Variants in PRMT8 observed in about 807,000 individuals in gnomAD.
PRMT8 encodes the protein protein arginine methyltransferase 8.
A neutral mutation model predicts 47.1 loss-of-function variants in PRMT8; 7 were observed. The ratio of observed to expected loss-of-function variants is 0.15; its 90% CI spans 0.08 to 0.28. PRMT8 has a LOEUF of 0.28. PRMT8 is among the 10% of genes least tolerant of loss of function. The pLI is 1.00. For synonymous variants in PRMT8, 188 were observed against 186.5 expected (o/e 1.01, Z -0.07); for missense variants, 237 against 505.4 (o/e 0.47, Z 5.09).
In PRMT8 at chr12:3,538,043, C is replaced by G. The variant is rs1866151736; in HGVS notation, c.76-2563C>G. Among the ~76,000 whole-genome samples, 1 of 152,116 alleles carries G rather than the reference C, an allele frequency of 6.6e-6. No homozygotes were observed. Among genetic ancestry groups the G allele is most frequent in the South Asian group, 2.1e-4 (1 of 4,824 alleles). ...TAGCCTGGCCATAATTTCCTTTCAA[C>G]TGAATCTCTCACTGTCTCAGCCAAG... On this transcript the variant is annotated intron_variant, in intron 1 of 9. Transcript: ENST00000382622. This position sits in a 1 kb window ranked among gnomAD's most constrained non-coding sequence, Gnocchi z 4.6.
chr12:3,441,063 A>G (rs1029110524), intron 1 of PRMT8, among the ~76,000 whole-genome samples: 1 of 152,224 alleles, frequency 6.6e-6, no homozygotes, highest in African/African-American at 2.4e-5. Context: ...TGAATTGATT[A>G]TCAAAAGTTT....
At chr12:3,480,339 C>T (rs761804991) in intron 1 of PRMT8, among the ~76,000 whole-genome samples, 2 of 152,196 alleles carry the variant, frequency 1.3e-5, no homozygotes, top group Non-Finnish European at 2.9e-5. Context: ...GTACTTCTTC[C>T]TTCTTCCCCC....
At position 3,532,390 on chromosome 12, in the gene PRMT8, A is replaced by T. The variant is rs376074327; in HGVS notation, c.76-8216A>T. Reference sequence around the variant, plus strand: ...TTTGGGAGGCCGAGGCAGGTGGATCACCTGAGGTCAGGAGTTCGAGACCAG... The same window carrying T: ...TTTGGGAGGCCGAGGCAGGTGGATCTCCTGAGGTCAGGAGTTCGAGACCAG... On this transcript the variant is annotated intron_variant, in intron 1 of 9. Coordinates refer to ENST00000382622, the MANE Select transcript of PRMT8 (RefSeq NM_019854.5). Among the ~76,000 whole-genome samples, 14 of 150,628 alleles carry T rather than the reference A, an allele frequency of 9.3e-5. No homozygotes were observed. In the South Asian group the frequency reaches 2.9e-3, roughly 31 times the overall value.
intron 8 of PRMT8, among the ~76,000 whole-genome samples, chr12:3,584,063 T>A (rs1211234236): frequency 2.0e-5 from 3 of 152,154 alleles, no homozygotes; most frequent in African/African-American, 7.2e-5. Context: ...AGGGCAGCCA[T>A]AACAAAATAC....
At chr12:3,402,181 T>C (rs1864324677) in intron 1 of PRMT8, among the ~76,000 whole-genome samples, 1 of 152,182 alleles carries the variant, frequency 6.6e-6, no homozygotes, top group African/African-American at 2.4e-5. Context: ...ACTGCACTCC[T>C]ACAACTATTT....
rs575867391 is a variant in PRMT8, at chr12:3,417,878, G to C, written c.48+36436G>C. Among the ~76,000 whole-genome samples the C allele has an allele frequency of 4.6e-5, 7 of 152,326 alleles. No individual in the cohort carries two copies. In the South Asian group the frequency reaches 1.5e-3, roughly 32 times the overall value. ...ATGTGCTCTATCTTCAGAGAGGCCT[G>C]ATTTGAAGCCACCTGCCTGGTTTCA... On this transcript the variant is annotated intron_variant, in intron 1 of 9. Transcript: ENST00000452611.
chr12:3,419,057 T>C (rs928328975), intron 1 of PRMT8, among the ~76,000 whole-genome samples: 2 of 152,236 alleles, frequency 1.3e-5, no homozygotes, highest in Admixed American at 6.5e-5. Context: ...GTTTTGTGGA[T>C]GGTTTGTTAT....
At chr12:3,537,343 A>G (rs1866136875) in intron 1 of PRMT8, among the ~76,000 whole-genome samples, 1 of 152,180 alleles carries the variant, frequency 6.6e-6, no homozygotes. Context: ...CAGATTATCC[A>G]ATCCTTTCCC....
At chr12:3,449,505 TCA>T (rs1864895593) in intron 1 of PRMT8, among the ~76,000 whole-genome samples, 1 of 152,244 alleles carries the variant, frequency 6.6e-6, no homozygotes, top group Non-Finnish European at 1.5e-5. Context: ...GAGCTTTTTT[TCA>T]TATGTTTGTT....
At chr12:3,512,293 C>T (rs902028959) in intron 1 of PRMT8, among the ~76,000 whole-genome samples, 7 of 152,202 alleles carry the variant, frequency 4.6e-5, no homozygotes, top group East Asian at 1.9e-4. Flanking sequence ...TCTTCTTTCT[C>T]GCCCAGGGAT....
chr12:3,390,135 A>T (rs1307801021), intron 1 of PRMT8, among the ~76,000 whole-genome samples: 2 of 152,236 alleles, frequency 1.3e-5, no homozygotes, highest in Non-Finnish European at 2.9e-5. Context: ...CTAGGGCACT[A>T]ATTGCAGCTC....
chr12:3,585,578 G>A (rs1867154877), intron 8 of PRMT8, among the ~76,000 whole-genome samples: 1 of 149,106 alleles, frequency 6.7e-6, no homozygotes, highest in Admixed American at 6.7e-5. Flanking sequence ...TCATTGCCCA[G>A]GCTGGTCTCA....
intron 4 of PRMT8, among the ~76,000 whole-genome samples, chr12:3,555,744 G>A (rs1866515703): frequency 6.6e-6 from 1 of 152,202 alleles, no homozygotes; most frequent in Non-Finnish European, 1.5e-5. Context: ...CTGGAGAGAA[G>A]TAATCCCTGT....
intron 1 of PRMT8, among the ~76,000 whole-genome samples, chr12:3,448,266 A>G (rs894228021): frequency 6.6e-6 from 1 of 152,056 alleles, no homozygotes; most frequent in African/African-American, 2.4e-5. Flanking sequence ...TGGCCTCCCA[A>G]AGTGTTGGAA....
chr12:3,447,696 G>C (rs1864873125), intron 1 of PRMT8, among the ~76,000 whole-genome samples: 2 of 151,962 alleles, frequency 1.3e-5, no homozygotes, highest in South Asian at 4.2e-4. Flanking sequence ...TCTCCTTCTA[G>C]ACAATAGCTT....
At chr12:3,485,170 G>GTA (rs1350269032) in intron 1 of PRMT8, among the ~76,000 whole-genome samples, 1 of 152,192 alleles carries the variant, frequency 6.6e-6, no homozygotes, top group Non-Finnish European at 1.5e-5. Context: ...AATTGGAAGT[G>GTA]ATCTGTTCTC....
At chr12:3,400,632 G>C (rs1864306105) in intron 1 of PRMT8, among the ~76,000 whole-genome samples, 1 of 152,150 alleles carries the variant, frequency 6.6e-6, no homozygotes, top group African/African-American at 2.4e-5. Flanking sequence ...ATATTGAAAA[G>C]GAGGGACTCC....
chr12:3,387,565 A>C (rs1864154394), intron 1 of PRMT8, among the ~76,000 whole-genome samples: 1 of 152,172 alleles, frequency 6.6e-6, no homozygotes. Context: ...AAACATGTTT[A>C]GATTTTAATT....
chr12:3,540,892 G>T (rs1774245040), intron 2 of PRMT8, 101 bp downstream of exon 2: 1 of 1,335,170 alleles, frequency 7.5e-7, no homozygotes, highest in Non-Finnish European at 1.0e-6. Flanking sequence ...CCATGGTAAA[G>T]GGAGTGCTCC....
Sources: allele counts gnomAD v4.1 joint callset (sites outside exome capture counted in the v4.1 genomes callset), GRCh38; gene constraint gnomAD v4.1.1; non-coding constraint Gnocchi (gnomAD v3.1); transcripts MANE v1.5; gene names NCBI Gene and HGNC (gene_info 2026-07-23, HGNC 2026-07-21).